Variants in NCAM2 observed in about 807,000 individuals in gnomAD.
The protein encoded by NCAM2 is neural cell adhesion molecule 2, also known as N-CAM-2.
NCAM2 carries 30 observed loss-of-function variants against 98.1 expected under a neutral mutation model. The observed-to-expected ratio is 0.31, with a 90% CI of 0.23 to 0.41. The LOEUF is 0.41. Among genes scored for constraint, NCAM2 ranks in the 10% least tolerant of loss-of-function variants. The pLI is 1.00. For synonymous variants in NCAM2, 368 were observed against 342.4 expected (o/e 1.07, Z -0.83); for missense variants, 867 against 1,005.8 (o/e 0.86, Z 1.87).
chr21:21,340,598 T>A (rs747387465), intron 8 of NCAM2, among the ~76,000 whole-genome samples: 2 of 152,002 alleles, frequency 1.3e-5, no homozygotes, highest in African/African-American at 2.4e-5. Context: ...ACAAGTTTAA[T>A]CCAGTCAATA....
At chr21:21,525,442 G>C (rs1249693480) in intron 16 of NCAM2, among the ~76,000 whole-genome samples, 1 of 152,036 alleles carries the variant, frequency 6.6e-6, no homozygotes, top group Admixed American at 6.6e-5. Flanking sequence ...TTCCTCAAAA[G>C]GCGCAATCAG....
In NCAM2 at chr21:21,061,888, A is replaced by G. The variant is rs559875931; in HGVS notation, c.55+63270A>G. On this transcript the variant is annotated intron_variant, in intron 1 of 17. Coordinates refer to ENST00000400546, the MANE Select transcript of NCAM2 (RefSeq NM_004540.5). Reference sequence around the variant, plus strand: ...TCAATCACCATAACATCACAGGAATATTACCAGTATTTCAATGCAATAATT... The same window carrying G: ...TCAATCACCATAACATCACAGGAATGTTACCAGTATTTCAATGCAATAATT... Among the ~76,000 whole-genome samples, 12 of 152,216 alleles carry G rather than the reference A, an allele frequency of 7.9e-5. No individual in the cohort carries two copies. The South Asian group carries it at 2.1e-3, about 26-fold the overall frequency.
intron 1 of NCAM2, among the ~76,000 whole-genome samples, chr21:21,131,010 ATTT>A (rs543120991): frequency 6.6e-6 from 1 of 152,122 alleles, no homozygotes; most frequent in East Asian, 1.9e-4. Flanking sequence ...AATTCATTAG[ATTT>A]TTTTTGTTTC....
At chr21:21,411,134 A>ATG (rs1338656462) in intron 10 of NCAM2, among the ~76,000 whole-genome samples, 42 of 5,506 alleles carry the variant, frequency 7.6e-3, no homozygotes, top group Non-Finnish European at 0.01. Context: ...ACACATATAT[A>ATG]TGTATATATA....
intron 12 of NCAM2, among the ~76,000 whole-genome samples, chr21:21,457,817 AC>A (rs1328877420): frequency 1.3e-5 from 2 of 152,210 alleles, no homozygotes; most frequent in African/African-American, 4.8e-5. Context: ...CTAGAGAAAT[AC>A]ATGATTTAAA....
chr21:21,394,496 TTTTTTTTTTTG>T (rs2076456052), intron 9 of NCAM2, among the ~76,000 whole-genome samples: 1 of 83,082 alleles, frequency 1.2e-5, no homozygotes, highest in Non-Finnish European at 2.6e-5. Flanking sequence ...TTTTTTTTTT[TTTTTTTTTTTG>T]AGACAGAGTT....
At chr21:21,532,765 G>T (rs13049213) in intron 16 of NCAM2, among the ~76,000 whole-genome samples, 36,656 of 151,954 alleles carry the variant, frequency 0.24, 5,751 homozygotes, top group Middle Eastern at 0.4. Flanking sequence ...ATCAATTGAA[G>T]AATAATGAAA....
intron 1 of NCAM2, among the ~76,000 whole-genome samples, chr21:21,215,773 T>C (rs1222962202): frequency 6.6e-6 from 1 of 152,042 alleles, no homozygotes; most frequent in Non-Finnish European, 1.5e-5. Context: ...TGTGTGTGTA[T>C]GTACATGCAT....
intron 1 of NCAM2, among the ~76,000 whole-genome samples, chr21:21,176,187 A>G (rs2068284295): frequency 6.6e-6 from 1 of 152,180 alleles, no homozygotes; most frequent in Non-Finnish European, 1.5e-5. Flanking sequence ...GCACTAGGCT[A>G]TTTGTATTAC....
intron 9 of NCAM2, among the ~76,000 whole-genome samples, chr21:21,407,690 T>A (rs1439852562): frequency 2.0e-5 from 3 of 152,198 alleles, no homozygotes. Context: ...TTTACATACC[T>A]TAACAGTTGT....
intron 12 of NCAM2, among the ~76,000 whole-genome samples, chr21:21,458,257 G>A (rs1484101624): frequency 1.3e-5 from 2 of 152,336 alleles, no homozygotes; most frequent in South Asian, 2.1e-4. Flanking sequence ...AGAGAACATA[G>A]GCAGCAAACT....
intron 1 of NCAM2, among the ~76,000 whole-genome samples, chr21:21,182,321 A>G (rs2826721): frequency 0.46 from 70,636 of 151,924 alleles, 17,091 homozygotes; most frequent in South Asian, 0.6. Flanking sequence ...CCTCATTGGC[A>G]CATCTCACAC....
At chr21:21,335,130 A>T (rs184343349) in intron 6 of NCAM2, among the ~76,000 whole-genome samples, 1 of 152,080 alleles carries the variant, frequency 6.6e-6, no homozygotes, top group East Asian at 1.9e-4. Flanking sequence ...GTAAATAAAT[A>T]TATATAATAA....
At chr21:21,112,325 T>A (rs1226646032) in intron 1 of NCAM2, among the ~76,000 whole-genome samples, 5 of 152,206 alleles carry the variant, frequency 3.3e-5, no homozygotes, top group Non-Finnish European at 5.9e-5. Flanking sequence ...GATTTTCGCT[T>A]AGAGAAATAT....
chr21:21,003,083 C>T (rs944116045), intron 1 of NCAM2, among the ~76,000 whole-genome samples: 6 of 152,000 alleles, frequency 3.9e-5, no homozygotes, highest in Non-Finnish European at 8.8e-5. Context: ...TAACTTTTAA[C>T]AATTTACAGT....
Position 21,122,950 on chromosome 21 carries a change from G to A in NCAM2, c.55+124332G>A, listed in dbSNP as rs1025940160. On this transcript the variant is annotated intron_variant, in intron 1 of 17. Transcript: ENST00000400546. ...ACAAATCCAGCAAGGTGATTGTCCC[G>A]AATGAACCTTCCTCAGCTGACTTCT... is the stretch of plus-strand genomic sequence containing the variant. Among the ~76,000 whole-genome samples, 11 of 152,234 alleles carry A rather than the reference G, an allele frequency of 7.2e-5. No homozygotes were observed. In the East Asian group the frequency reaches 7.7e-4, roughly 11 times the overall value.
intron 1 of NCAM2, among the ~76,000 whole-genome samples, chr21:21,006,100 T>C (rs2064108455): frequency 6.6e-6 from 1 of 152,170 alleles, no homozygotes; most frequent in Non-Finnish European, 1.5e-5. Flanking sequence ...GAGCATTAAA[T>C]ACATTTAAGA....
intron 1 of NCAM2, among the ~76,000 whole-genome samples, chr21:21,097,596 G>T (rs1351586717): frequency 6.6e-6 from 1 of 151,302 alleles, no homozygotes; most frequent in Non-Finnish European, 1.5e-5. Context: ...TATTTACACT[G>T]CACAAACTTG....
chr21:21,452,544 A>G (rs1981300191), intron 12 of NCAM2, among the ~76,000 whole-genome samples: 1 of 123,608 alleles, frequency 8.1e-6, no homozygotes, highest in African/African-American at 3.0e-5. Context: ...ATAAATAAAT[A>G]TATAATATAT....
Sources: gnomAD v4.1 joint callset for allele counts (sites outside exome capture counted in the v4.1 genomes callset) on GRCh38, gnomAD v4.1.1 for gene constraint, MANE v1.5 for transcripts, NCBI Gene and HGNC (gene_info 2026-07-23, HGNC 2026-07-21) for gene names.